METTL2A: variants seen among roughly 807,000 people sequenced by gnomAD.
The protein encoded by METTL2A is methyltransferase 2A, tRNA N3-cytidine.
In METTL2A, 45 loss-of-function variants were observed where a neutral mutation model predicts 49.4. The ratio of observed to expected loss-of-function variants is 0.91; its 90% CI spans 0.72 to 1.17. METTL2A has a LOEUF of 1.17. Among genes scored for constraint, METTL2A ranks in the 50% most tolerant of loss-of-function variants. The pLI is 0.00. For missense variants in METTL2A, 361 were observed against 462.2 expected (o/e 0.78, Z 2.01); for synonymous variants, 118 against 167.5 (o/e 0.70, Z 2.28).
At position 62,424,010 on chromosome 17, in the gene METTL2A, C is replaced by T. The variant is rs1236327789; in HGVS notation, c.108C>T (p.Ala36=). 5 of 1,613,818 alleles carry T rather than the reference C, an allele frequency of 3.1e-6. No homozygotes were observed. The highest frequency in any genetic ancestry group is 3.3e-5 in the Admixed American group (2 of 59,968). Residue 36 remains alanine (A), a splice_region_variant and synonymous_variant, in exon 1 of 9, where the codon GCC becomes GCT. Transcript: ENST00000311506. ...RDPARVFHHN[A]WDNVEWSEEQ... ...CGGCGCGCGTCTTCCACCACAATGC[C>T]TGGTAATCACTCTGCCCCTTCGCCC...
rs752125732 is a variant in METTL2A at position 62,444,835 on chromosome 17, A to T, written c.810-2A>T. Reference sequence around the variant, plus strand: ...TGACCGTCATTCCCTGCTGCTCCACAGGATGCAGAAGGCTATCAACAGGCT... The same window carrying T: ...TGACCGTCATTCCCTGCTGCTCCACTGGATGCAGAAGGCTATCAACAGGCT... On this transcript the variant is annotated splice_acceptor_variant, in intron 6 of 8. Transcript: ENST00000311506. LOFTEE classifies it high-confidence loss of function. The T allele has an allele frequency of 6.2e-7, 1 of 1,613,562 alleles. No individual in the cohort carries two copies. The highest frequency in any genetic ancestry group is 8.5e-7 in the Non-Finnish European group (1 of 1,179,620).
At chr17:62,447,161 T>A (rs897761796) in intron 7 of METTL2A, among the ~76,000 whole-genome samples, 1 of 152,060 alleles carries the variant, frequency 6.6e-6, no homozygotes. Context: ...GCTCATGCCT[T>A]TAATCCCAGC....
Position 62,444,937 on chromosome 17 carries a change from A to G in METTL2A, c.910A>G (p.Lys304Glu). The G allele has an allele frequency of 6.2e-7, 1 of 1,613,290 alleles. No individual in the cohort carries two copies. The highest frequency in any genetic ancestry group is 1.7e-5 in the Admixed American group (1 of 59,964). Residue 304 changes from lysine to glutamate, a missense_variant, in exon 7 of 9, where the codon AAA becomes GAA. Around this residue, in one of 3 missense-constraint regions of METTL2A, gnomAD observed 183 missense variants for 216.5 expected, o/e 0.85. Transcript: ENST00000311506. ...CTATGACATGGCTCAGCTTCGGTTT[A>G]AAAAAGGTATTTTGAAAGTGCTGAA... is the stretch of plus-strand genomic sequence containing the variant. The part of the protein sequence containing the change: ...GRYDMAQLRF[K>E]KGQCLSGNFY...
chr17:62,426,228 G>A (rs2070625215), intron 2 of METTL2A, 71 bp from the exon 3 acceptor site: 3 of 1,417,550 alleles, frequency 2.1e-6, no homozygotes. Context: ...GGTAAAGCAG[G>A]ATAATTGATA....
At position 62,450,617 on chromosome 17, in the gene METTL2A, G is replaced by C. The variant is rs2070800421; in HGVS notation, c.*1888G>C. ...AGGTGGGCAGATCACTTGAGGTCAG[G>C]AGTTCCAGTCCAGCCTGGCTAACAT... On this transcript the variant is annotated 3_prime_UTR_variant, in exon 9 of 9. Transcript: ENST00000311506. 1 of 152,040 alleles carries C rather than the reference G, an allele frequency of 6.6e-6. No individual in the cohort carries two copies. 9.4% of individuals were successfully genotyped at this position (152,040 alleles called of 1,614,324 possible).
At chr17:62,445,001 G>T in intron 7 of METTL2A, 58 bp downstream of exon 7, 2 of 1,560,762 alleles carry the variant, frequency 1.3e-6, no homozygotes, top group South Asian at 1.1e-5. Flanking sequence ...CAGGGACATG[G>T]ATGAAGCTGG....
chr17:62,444,585 C>G (rs1240774469), intron 6 of METTL2A, among the ~76,000 whole-genome samples: 1 of 152,144 alleles, frequency 6.6e-6, no homozygotes, highest in Non-Finnish European at 1.5e-5. Context: ...CGGCCAGGAG[C>G]AGGGAACTTT....
intron 5 of METTL2A, 77 bp downstream of exon 5, chr17:62,435,369 C>G: frequency 1.3e-6 from 2 of 1,595,580 alleles, no homozygotes; most frequent in Non-Finnish European, 8.6e-7. Flanking sequence ...ATCAAGGTCT[C>G]TGGCTGTGTT....
At position 62,440,347 on chromosome 17, in the gene METTL2A, C is replaced by T. The variant is rs8076934; in HGVS notation, c.670-270C>T. On this transcript the variant is annotated intron_variant, in intron 5 of 8. Coordinates refer to ENST00000311506, the MANE Select transcript of METTL2A (RefSeq NM_181725.4). ...TGCCATTACTTTCAATAGCAAAAAC[C>T]GCAATTACTTTTTCACCAATCTATA... is the stretch of plus-strand genomic sequence containing the variant. 5.2e-3 allele frequency among the ~76,000 whole-genome samples: 795 copies of T among 152,102 alleles called. 2 individuals are homozygous for T. The highest frequency in any genetic ancestry group is 0.018 in the African/African-American group (756 of 41,522).
chr17:62,447,820 T>G (rs2070779393), intron 8 of METTL2A, 54 bp downstream of exon 8: 1 of 1,607,496 alleles, frequency 6.2e-7, no homozygotes, highest in African/African-American at 1.3e-5. Context: ...GATGAGATGG[T>G]CTTCAAGGCA....
rs772445762 is a variant in METTL2A, at chr17:62,444,931, C to T, written c.904C>T (p.Arg302Trp). Residue 302 changes from arginine to tryptophan, a missense_variant, in exon 7 of 9, where the codon CGG becomes TGG. Physicochemically the swap from Arg to Trp is moderately radical, Grantham distance 101. Transcript: ENST00000311506. Reference protein sequence around the residue: ...DYGRYDMAQLRFKKGQCLSGN... With the variant: ...DYGRYDMAQLWFKKGQCLSGN... ...CGGCCGCTATGACATGGCTCAGCTT[C>T]GGTTTAAAAAAGGTATTTTGAAAGT... 1.1e-5 allele frequency: 18 copies of T among 1,613,554 alleles called. No individual in the cohort carries two copies. Among genetic ancestry groups the T allele is most frequent in the Non-Finnish European group, 1.0e-5 (12 of 1,179,806 alleles).
At chr17:62,433,514 C>G (rs1028335862) in intron 4 of METTL2A, among the ~76,000 whole-genome samples, 9 of 151,630 alleles carry the variant, frequency 5.9e-5, no homozygotes, top group African/African-American at 1.7e-4. Context: ...CCAAAGTGGG[C>G]AGATTACTTA....
chr17:62,426,415 C>T lies in METTL2A; in HGVS notation c.319C>T (p.Gln107Ter). The part of the protein sequence containing the change: ...FTEFPELAPS[Q>*]NQNHLKDWFL... ...CGAATTCCCTGAGCTGGCACCTAGCCAAAATCAAAATCATTTGAAGGACTG... is the reference window on the plus strand; with the variant it reads ...CGAATTCCCTGAGCTGGCACCTAGCTAAAATCAAAATCATTTGAAGGACTG... The change falls in exon 3 of 9, where the codon CAA (glutamine) becomes TAA (stop). Residue 107 changes from glutamine to a stop codon, truncating the protein, a stop_gained. Transcript: ENST00000311506. LOFTEE classifies it high-confidence loss of function. The T allele has an allele frequency of 6.2e-7, 1 of 1,613,994 alleles. No individual in the cohort carries two copies.
At chr17:62,427,723 C>G (rs954200770) in intron 3 of METTL2A, 65 bp from the exon 4 acceptor site, 8 of 1,607,900 alleles carry the variant, frequency 5.0e-6, no homozygotes, top group Non-Finnish European at 6.8e-6. Flanking sequence ...ATTTTTCTAG[C>G]TTTTCTAGCT....
In METTL2A at chr17:62,447,711, A is replaced by T; in HGVS notation, c.927A>T (p.Leu309=). 1 of 1,614,154 alleles carries T rather than the reference A, an allele frequency of 6.2e-7. No homozygotes were observed. The highest frequency in any genetic ancestry group is 2.2e-5 in the East Asian group (1 of 44,884). ...CACATCACTCTGCAGGTCAGTGTCTATCTGGAAATTTCTACGTGAGAGGTG... is the reference window on the plus strand; with the variant it reads ...CACATCACTCTGCAGGTCAGTGTCTTTCTGGAAATTTCTACGTGAGAGGTG... ...AQLRFKKGQC[L]SGNFYVRGDG... Residue 309 remains leucine, a synonymous_variant, in exon 8 of 9, where the codon CTA becomes CTT. Transcript: ENST00000311506.
At chr17:62,440,879 C>T in intron 6 of METTL2A, 123 bp downstream of exon 6, 3 of 1,290,782 alleles carry the variant, frequency 2.3e-6, no homozygotes, top group Non-Finnish European at 3.2e-6. Context: ...GATCATGGCT[C>T]ACTGCAGCCT....
intron 4 of METTL2A, chr17:62,434,741 T>C (rs1171062364): frequency 2.5e-5 from 4 of 160,618 alleles, no homozygotes; most frequent in African/African-American, 4.8e-5. Context: ...CCTCAGCATC[T>C]AAGATAATAC....
chr17:62,437,015 AGAAG>A (rs1189146193), intron 5 of METTL2A, among the ~76,000 whole-genome samples: 3 of 152,164 alleles, frequency 2.0e-5, no homozygotes, highest in Middle Eastern at 3.2e-3. Context: ...CCCAACCGTA[AGAAG>A]CAACTCCTTA....
intron 8 of METTL2A, 121 bp downstream of exon 8, chr17:62,447,887 G>T: frequency 6.4e-7 from 1 of 1,552,162 alleles, no homozygotes. Flanking sequence ...TGTTTCCTGC[G>T]GTTCCCTGCT....
Sources: allele counts gnomAD v4.1 joint callset (sites outside exome capture counted in the v4.1 genomes callset), GRCh38; gene constraint gnomAD v4.1.1; regional missense constraint gnomAD v4.1.1; transcripts MANE v1.5; gene names NCBI Gene and HGNC (gene_info 2026-07-23, HGNC 2026-07-21).